The following DSCAM variants were observed in gnomAD, a reference collection of about 807,000 sequenced individuals.
The protein encoded by DSCAM is cell adhesion molecule DSCAM.
Under a neutral mutation model 217.7 loss-of-function variants are expected in DSCAM, and 47 were observed. The ratio of observed to expected loss-of-function variants is 0.22; its 90% CI spans 0.17 to 0.28. The LOEUF is 0.28. DSCAM is among the 10% of genes least tolerant of loss of function. DSCAM has a pLI of 1.00. For missense variants in DSCAM, 2,080 were observed against 2,618.3 expected (o/e 0.79, Z 4.49); for synonymous variants, 1,056 against 1,015.3 (o/e 1.04, Z -0.76).
intron 5 of DSCAM, among the ~76,000 whole-genome samples, chr21:40,352,232 T>C (rs775269210): frequency 3.3e-5 from 5 of 152,270 alleles, no homozygotes; most frequent in Middle Eastern, 3.4e-3. Context: ...TCCTAAGATA[T>C]AAACTTTATT....
intron 32 of DSCAM, among the ~76,000 whole-genome samples, chr21:40,030,331 C>T (rs2088496345): frequency 2.0e-5 from 3 of 152,160 alleles, no homozygotes; most frequent in Non-Finnish European, 4.4e-5. Flanking sequence ...ATCAAGTAAA[C>T]AAACAAATAG....
At position 40,225,856 on chromosome 21, in the gene DSCAM, G is replaced by A. The variant is rs550371557; in HGVS notation, c.2357-36618C>T. Among the ~76,000 whole-genome samples the A allele has an allele frequency of 2.6e-5, 4 of 152,216 alleles. No individual in the cohort carries two copies. In the East Asian group the frequency reaches 5.8e-4, roughly 22 times the overall value. On this transcript the variant is annotated intron_variant, in intron 11 of 32. Coordinates refer to ENST00000400454, the MANE Select transcript of DSCAM (RefSeq NM_001389.5). ...TCCCCCTGTCCTCCAACACCTTCTT[G>A]GAATCAGACACAAGTGTGTTGGTGA...
intron 1 of DSCAM, among the ~76,000 whole-genome samples, chr21:40,799,307 T>A (rs1327109935): frequency 1.3e-5 from 2 of 152,140 alleles, no homozygotes; most frequent in African/African-American, 4.8e-5. Flanking sequence ...GCTAACACAT[T>A]AACTCAAATT....
At chr21:40,532,085 C>G (rs757377561) in intron 3 of DSCAM, among the ~76,000 whole-genome samples, 1 of 152,164 alleles carries the variant, frequency 6.6e-6, no homozygotes, top group Non-Finnish European at 1.5e-5. Flanking sequence ...CTTTGATACA[C>G]TCTTCTTTTA....
chr21:40,590,989 A>C (rs2076980033), intron 3 of DSCAM, among the ~76,000 whole-genome samples: 1 of 152,100 alleles, frequency 6.6e-6, no homozygotes, highest in African/African-American at 2.4e-5. Context: ...TGTAATCCCC[A>C]TTATCCCCAT....
At chr21:40,450,806 T>C (rs2035878970) in intron 3 of DSCAM, among the ~76,000 whole-genome samples, 2 of 152,218 alleles carry the variant, frequency 1.3e-5, no homozygotes, top group Non-Finnish European at 1.5e-5. Flanking sequence ...AAGAAATGTA[T>C]AGGAAGCTTC....
chr21:40,185,960 C>T lies in DSCAM; in HGVS notation c.2779+1171G>A, dbSNP rs533771429. On this transcript the variant is annotated intron_variant, in intron 14 of 32. Transcript: ENST00000400454. Reference sequence around the variant, plus strand: ...CCTTCCTCAGACTTTGTGTAAGTGACACCTCACTTCTAGGCCCCCAGTTGC... The same window carrying T: ...CCTTCCTCAGACTTTGTGTAAGTGATACCTCACTTCTAGGCCCCCAGTTGC... 2.0e-5 allele frequency among the ~76,000 whole-genome samples: 3 copies of T among 152,332 alleles called. No homozygotes were observed. In the East Asian group the frequency reaches 5.8e-4, roughly 29 times the overall value.
At chr21:40,824,684 G>GGGA (rs1221536899) in intron 1 of DSCAM, among the ~76,000 whole-genome samples, 1 of 151,892 alleles carries the variant, frequency 6.6e-6, no homozygotes, top group Non-Finnish European at 1.5e-5. Flanking sequence ...TCAAAGTGCT[G>GGGA]GGATTACAGG....
At chr21:40,469,306 G>A (rs559881532) in intron 3 of DSCAM, among the ~76,000 whole-genome samples, 7 of 152,134 alleles carry the variant, frequency 4.6e-5, no homozygotes, top group Middle Eastern at 3.4e-3. Context: ...GGTATGTCCC[G>A]CTGAAAGGAG....
chr21:40,109,347 G>C (rs1568944497), intron 20 of DSCAM, among the ~76,000 whole-genome samples: 1 of 152,228 alleles, frequency 6.6e-6, no homozygotes, highest in African/African-American at 2.4e-5. Context: ...GACATGAATA[G>C]ACACTTTTCA....
chr21:40,397,309 G>C (rs146191599), intron 3 of DSCAM, among the ~76,000 whole-genome samples: 1 of 125,654 alleles, frequency 8.0e-6, no homozygotes, highest in African/African-American at 2.7e-5. Flanking sequence ...GAAGGGCTTC[G>C]GCCATCTCCT....
At chr21:40,549,780 C>T (rs1247125298) in intron 3 of DSCAM, among the ~76,000 whole-genome samples, 1 of 152,162 alleles carries the variant, frequency 6.6e-6, no homozygotes, top group Non-Finnish European at 1.5e-5. Context: ...GGGAGAAGGG[C>T]TGTGGTGAAA....
chr21:40,251,986 T>G (rs78238637), intron 11 of DSCAM, among the ~76,000 whole-genome samples: 1,978 of 152,276 alleles, frequency 0.013, 54 homozygotes, highest in African/African-American at 0.046. Context: ...AGGCCACAAG[T>G]TGACTCCTGA....
At chr21:40,093,446 A>C (rs1388423157) in intron 21 of DSCAM, among the ~76,000 whole-genome samples, 1 of 152,050 alleles carries the variant, frequency 6.6e-6, no homozygotes, top group African/African-American at 2.4e-5. Context: ...ATTTTCAGCT[A>C]CTCCAAGGAA....
intron 3 of DSCAM, among the ~76,000 whole-genome samples, chr21:40,392,236 A>G (rs2075140213): frequency 6.6e-6 from 1 of 152,190 alleles, no homozygotes; most frequent in Non-Finnish European, 1.5e-5. Context: ...ATTAATGCCT[A>G]TAAGTGATAT....
At chr21:40,342,307 G>T (rs147150919) in intron 6 of DSCAM, among the ~76,000 whole-genome samples, 1 of 152,020 alleles carries the variant, frequency 6.6e-6, no homozygotes, top group East Asian at 1.9e-4. Flanking sequence ...ATTTGTGTGT[G>T]TATAAAATAT....
chr21:40,091,599 T>C (rs1181742210), intron 21 of DSCAM, among the ~76,000 whole-genome samples: 2 of 152,170 alleles, frequency 1.3e-5, no homozygotes, highest in Admixed American at 1.3e-4. Flanking sequence ...ACTTTTGTGA[T>C]GCTTTGTTTA....
chr21:40,147,052 CAAATA>C (rs2090365693), intron 16 of DSCAM, among the ~76,000 whole-genome samples: 1 of 152,008 alleles, frequency 6.6e-6, no homozygotes, highest in Non-Finnish European at 1.5e-5. Flanking sequence ...TATAGTGACC[CAAATA>C]AAATAATATT....
chr21:40,223,157 C>A (rs1000464280), intron 11 of DSCAM, among the ~76,000 whole-genome samples: 1 of 152,138 alleles, frequency 6.6e-6, no homozygotes, highest in Admixed American at 6.5e-5. Context: ...GATGTGGGAG[C>A]CAAGAGGAAG....
Sources: gnomAD v4.1 joint callset for allele counts (sites outside exome capture counted in the v4.1 genomes callset) on GRCh38, gnomAD v4.1.1 for gene constraint, MANE v1.5 for transcripts, NCBI Gene and HGNC (gene_info 2026-07-23, HGNC 2026-07-21) for gene names.